The following ANKS1B variants were observed in gnomAD, a reference collection of about 807,000 sequenced individuals.
ANKS1B encodes ankyrin repeat and sterile alpha motif domain-containing protein 1B.
Under a neutral mutation model 148.3 loss-of-function variants are expected in ANKS1B, and 36 were observed. That is an observed-to-expected ratio of 0.24 (90% confidence interval 0.19 to 0.32). The LOEUF is 0.32. Among genes scored for constraint, ANKS1B ranks in the 10% least tolerant of loss-of-function variants. The pLI, the probability that ANKS1B is intolerant of heterozygous loss-of-function variation, is 1.00. For synonymous variants in ANKS1B, 542 were observed against 560.8 expected (o/e 0.97, Z 0.47); for missense variants, 1,157 against 1,542.6 (o/e 0.75, Z 4.19).
chr12:99,085,252 A>T (rs2153629384), intron 15 of ANKS1B, among the ~76,000 whole-genome samples: 1 of 152,254 alleles, frequency 6.6e-6, no homozygotes, highest in Non-Finnish European at 1.5e-5. Flanking sequence ...GCTTATATCC[A>T]CATGGGGTTA....
chr12:98,793,619 C>T (rs1001946348), intron 22 of ANKS1B, among the ~76,000 whole-genome samples: 1 of 152,090 alleles, frequency 6.6e-6, no homozygotes, highest in Non-Finnish European at 1.5e-5. Flanking sequence ...TTATAAGGGA[C>T]CCAAACATTG....
chr12:98,822,955 T>A (rs1001390209), intron 19 of ANKS1B, among the ~76,000 whole-genome samples: 2 of 152,228 alleles, frequency 1.3e-5, no homozygotes, highest in Non-Finnish European at 2.9e-5. Flanking sequence ...CAAAAGACAC[T>A]TAATCATACT....
chr12:98,859,963 G>A (rs967713372), intron 17 of ANKS1B, among the ~76,000 whole-genome samples: 1 of 152,154 alleles, frequency 6.6e-6, no homozygotes, highest in Non-Finnish European at 1.5e-5. Flanking sequence ...CAGACAAACA[G>A]AAGTTAAATT....
intron 9 of ANKS1B, among the ~76,000 whole-genome samples, chr12:99,547,939 TG>T (rs1166644742): frequency 6.6e-6 from 1 of 152,178 alleles, no homozygotes; most frequent in East Asian, 1.9e-4. Context: ...GGGTTGTTTT[TG>T]AGGAATAAAT....
At chr12:98,941,550 G>A (rs187719745) in intron 17 of ANKS1B, among the ~76,000 whole-genome samples, 109 of 152,300 alleles carry the variant, frequency 7.2e-4, no homozygotes, top group Non-Finnish European at 1.0e-3. Context: ...AATGCACTGT[G>A]AGTATTGATT....
chr12:99,740,673 ATT>A (rs759047240), intron 8 of ANKS1B, among the ~76,000 whole-genome samples: 6 of 152,154 alleles, frequency 3.9e-5, no homozygotes, highest in Non-Finnish European at 8.8e-5. Flanking sequence ...AAGGCGGGTG[ATT>A]TCTGCATTTC....
At chr12:99,319,464 T>C (rs900067280) in intron 12 of ANKS1B, among the ~76,000 whole-genome samples, 3 of 152,240 alleles carry the variant, frequency 2.0e-5, no homozygotes, top group Non-Finnish European at 4.4e-5. Context: ...TGGTTTAAAG[T>C]CTGTTTTATC....
Position 99,646,009 on chromosome 12 carries a change from A to G in ANKS1B, c.1272+9058T>C, listed in dbSNP as rs563103460. Among the ~76,000 whole-genome samples the G allele has an allele frequency of 1.2e-4, 17 of 138,868 alleles. No individual in the cohort carries two copies. In the South Asian group the frequency reaches 3.9e-3, roughly 32 times the overall value. 91.1% of individuals were successfully genotyped at this position (138,868 alleles called of 152,430 possible). The stretch of plus-strand genomic sequence containing the variant: ...TCATATATGTGTATAGCAAAAAAGT[A>G]CTTTTAAGAAAATCAGTAAAAAAAA... On this transcript the variant is annotated intron_variant, in intron 9 of 26. Transcript: ENST00000683438.
intron 8 of ANKS1B, among the ~76,000 whole-genome samples, chr12:99,661,780 T>A (rs1411266710): frequency 2.0e-5 from 3 of 152,234 alleles, no homozygotes; most frequent in Non-Finnish European, 4.4e-5. Flanking sequence ...ACATGTATTC[T>A]TTGAATAAAT....
At chr12:98,735,873 A>C (rs1384128329) in intron 9 of ANKS1B, among the ~76,000 whole-genome samples, 1 of 152,140 alleles carries the variant, frequency 6.6e-6, no homozygotes, top group Non-Finnish European at 1.5e-5. Context: ...TTACGGTTTT[A>C]GATGGACTGG....
intron 9 of ANKS1B, among the ~76,000 whole-genome samples, chr12:99,565,247 G>T (rs1483803595): frequency 2.0e-5 from 3 of 152,168 alleles, no homozygotes; most frequent in Admixed American, 1.3e-4. Context: ...AAATAATATA[G>T]ATGAGCTCCA....
At chr12:99,714,029 G>A (rs891617580) in intron 8 of ANKS1B, among the ~76,000 whole-genome samples, 3 of 152,146 alleles carry the variant, frequency 2.0e-5, no homozygotes, top group African/African-American at 7.2e-5. Flanking sequence ...GAAATGTACT[G>A]ACATTTATGA....
chr12:99,183,379 C>T lies in ANKS1B; in HGVS notation c.2420-28984G>A, dbSNP rs528170021. Among the ~76,000 whole-genome samples, 14 of 152,298 alleles carry T rather than the reference C, an allele frequency of 9.2e-5. No homozygotes were observed. In the East Asian group the frequency reaches 1.7e-3, roughly 19 times the overall value. On this transcript the variant is annotated intron_variant, in intron 14 of 26. Transcript: ENST00000683438. The stretch of plus-strand genomic sequence containing the variant: ...ATCATTGGTCTTAGGTGCAGTGGCT[C>T]ATGCCCGTAATCCCAGCACTTTGGG...
chr12:99,943,987 T>G (rs2094988328), intron 1 of ANKS1B, among the ~76,000 whole-genome samples: 1 of 151,878 alleles, frequency 6.6e-6, no homozygotes, highest in African/African-American at 2.4e-5. Flanking sequence ...CAGTGTGTGA[T>G]GTTCCCCTCC....
chr12:99,066,888 G>A (rs1331212755), intron 16 of ANKS1B, among the ~76,000 whole-genome samples: 1 of 152,166 alleles, frequency 6.6e-6, no homozygotes, highest in Non-Finnish European at 1.5e-5. Context: ...GAAGAGGACT[G>A]TATTCGTTCA....
chr12:99,703,963 T>C (rs2055305105), intron 8 of ANKS1B, among the ~76,000 whole-genome samples: 1 of 152,154 alleles, frequency 6.6e-6, no homozygotes, highest in Non-Finnish European at 1.5e-5. Context: ...GCATATTTGT[T>C]AACATTTAAA....
chr12:99,724,872 A>G (rs781071422), intron 8 of ANKS1B, among the ~76,000 whole-genome samples: 8 of 152,186 alleles, frequency 5.3e-5, no homozygotes, highest in Non-Finnish European at 1.2e-4. Flanking sequence ...TAGAAAAATT[A>G]TTTTCAACTC....
At chr12:98,781,872 G>A (rs980759449) in intron 23 of ANKS1B, among the ~76,000 whole-genome samples, 6 of 152,174 alleles carry the variant, frequency 3.9e-5, no homozygotes, top group Non-Finnish European at 7.3e-5. Context: ...GACAGCCCAG[G>A]TAACCTACTT....
chr12:99,277,835 G>T (rs2077876277), intron 12 of ANKS1B, among the ~76,000 whole-genome samples: 1 of 152,202 alleles, frequency 6.6e-6, no homozygotes, highest in Non-Finnish European at 1.5e-5. Context: ...AGACCATTGT[G>T]AAGTATTGCC....
Sources: gnomAD v4.1 joint callset for allele counts (sites outside exome capture counted in the v4.1 genomes callset) on GRCh38, gnomAD v4.1.1 for gene constraint, MANE v1.5 for transcripts, NCBI Gene and HGNC (gene_info 2026-07-23, HGNC 2026-07-21) for gene names.